ORC4: variants seen among roughly 807,000 people sequenced by gnomAD.
ORC4 encodes the protein origin recognition complex subunit 4.
In ORC4, 55 loss-of-function variants were observed where a neutral mutation model predicts 63.9. The ratio of observed to expected loss-of-function variants is 0.86; its 90% CI spans 0.69 to 1.08. ORC4 has a LOEUF of 1.08. Ranked by LOEUF, ORC4 falls within the 50% of genes least tolerant of loss-of-function variation. The pLI, the probability that ORC4 is intolerant of heterozygous loss-of-function variation, is 0.00. For missense variants in ORC4, 511 were observed against 504.4 expected (o/e 1.01, Z -0.13); for synonymous variants, 150 against 168.5 (o/e 0.89, Z 0.85).
intron 7 of ORC4, among the ~76,000 whole-genome samples, chr2:147,954,260 G>C (rs1689124210): frequency 6.6e-6 from 1 of 152,070 alleles, no homozygotes; most frequent in Non-Finnish European, 1.5e-5. Context: ...ACCACAATAG[G>C]TCAAAGACCC....
chr2:147,942,890 A>G (rs530181221), intron 10 of ORC4, among the ~76,000 whole-genome samples: 216 of 152,244 alleles, frequency 1.4e-3, no homozygotes, highest in African/African-American at 4.9e-3. Context: ...TTCAGCATAG[A>G]CTATAAGTCA....
At chr2:148,016,077 G>T (rs901077642) in intron 1 of ORC4, among the ~76,000 whole-genome samples, 1 of 152,248 alleles carries the variant, frequency 6.6e-6, no homozygotes, top group East Asian at 1.9e-4. Context: ...AAATTGAAAA[G>T]GTGAAAAAGC....
Position 147,943,535 on chromosome 2 carries a change from A to AC in ORC4, c.763-14_763-13insG, listed in dbSNP as rs1158330855. ...CTTCTGAGAGATACTAAAAGGAAAA[A>AC]AAAAAAAAAAGCCAAAATTGAGGAA... On this transcript the variant is annotated splice_polypyrimidine_tract_variant and intron_variant, in intron 9 of 13. Coordinates refer to ENST00000392857, the MANE Select transcript of ORC4 (RefSeq NM_181741.4). The AC allele has an allele frequency of 6.6e-7, 1 of 1,506,032 alleles. No homozygotes were observed. Among genetic ancestry groups the AC allele is most frequent in the Non-Finnish European group, 9.2e-7 (1 of 1,087,830 alleles). 93.3% of individuals were successfully genotyped at this position (1,506,032 alleles called of 1,614,324 possible).
At chr2:147,994,444 C>T (rs922626711) in intron 1 of ORC4, among the ~76,000 whole-genome samples, 3 of 152,136 alleles carry the variant, frequency 2.0e-5, no homozygotes, top group Non-Finnish European at 4.4e-5. Flanking sequence ...AACTTCAAGA[C>T]ATTATAAAAC....
At chr2:147,970,004 T>G (rs1690119709) in intron 4 of ORC4, among the ~76,000 whole-genome samples, 1 of 151,984 alleles carries the variant, frequency 6.6e-6, no homozygotes, top group African/African-American at 2.4e-5. Context: ...GAGAAGCAAT[T>G]ATAGCAAGGT....
chr2:147,987,048 A>T (rs79718107), intron 1 of ORC4, among the ~76,000 whole-genome samples: 10 of 151,388 alleles, frequency 6.6e-5, no homozygotes, highest in Non-Finnish European at 1.2e-4. Context: ...TTTTTTTTTT[A>T]GACCCAGGGT....
intron 1 of ORC4, among the ~76,000 whole-genome samples, chr2:147,980,368 C>CATGG (rs1306163851): frequency 4.6e-5 from 7 of 151,854 alleles, no homozygotes; most frequent in African/African-American, 1.7e-4. Context: ...AGGTTATACG[C>CATGG]TAATACCATG....
chr2:147,936,975 G>T, intron 13 of ORC4: 1 of 132,508 alleles, frequency 7.5e-6, no homozygotes, highest in Non-Finnish European at 1.5e-5. Flanking sequence ...CCAAGATTGC[G>T]CCCGCCACTG....
intron 1 of ORC4, among the ~76,000 whole-genome samples, chr2:147,998,744 C>T (rs1277669666): frequency 6.6e-6 from 1 of 152,146 alleles, no homozygotes; most frequent in Non-Finnish European, 1.5e-5. Context: ...ACACTATTCT[C>T]AATTCCCCTA....
chr2:148,019,121 C>A (rs1693503848), intron 1 of ORC4, among the ~76,000 whole-genome samples: 1 of 151,634 alleles, frequency 6.6e-6, no homozygotes, highest in Non-Finnish European at 1.5e-5. Flanking sequence ...GGTTACACTA[C>A]AAAGAAAATT....
chr2:148,016,177 C>T (rs933718465), intron 1 of ORC4, among the ~76,000 whole-genome samples: 1 of 152,164 alleles, frequency 6.6e-6, no homozygotes, highest in Admixed American at 6.5e-5. Context: ...CAACAACGAA[C>T]CATTTCTCAA....
chr2:147,979,961 T>C (rs1255513813), intron 1 of ORC4, among the ~76,000 whole-genome samples: 4 of 151,846 alleles, frequency 2.6e-5, no homozygotes, highest in African/African-American at 4.8e-5. Flanking sequence ...ACCTGAAACA[T>C]AGGGGAAGAA....
intron 5 of ORC4, 120 bp from the exon 6 acceptor site, chr2:147,958,503 TCTTAAAA>T (rs1164711606): frequency 7.0e-6 from 5 of 712,906 alleles, no homozygotes; most frequent in Non-Finnish European, 1.2e-5. Flanking sequence ...ATCACTTTCT[TCTTAAAA>T]CTTAGCAATA....
Position 147,959,911 on chromosome 2 carries a change from G to A in ORC4, c.226-1045C>T, listed in dbSNP as rs139153991. Among the ~76,000 whole-genome samples the A allele has an allele frequency of 1.7e-3, 253 of 152,236 alleles. 2 individuals are homozygous for A. Among genetic ancestry groups the A allele is most frequent in the African/African-American group, 5.8e-3 (241 of 41,556 alleles). Reference sequence around the variant, plus strand: ...GCATAGAGGTACTTCTTCACCTCTGGATCAGGTCAGACACTATAATAAGAG... The same window carrying A: ...GCATAGAGGTACTTCTTCACCTCTGAATCAGGTCAGACACTATAATAAGAG... On this transcript the variant is annotated intron_variant, in intron 4 of 13. Transcript: ENST00000392857.
intron 8 of ORC4, 69 bp from the exon 9 acceptor site, chr2:147,948,293 TG>T (rs1337404768): frequency 5.0e-6 from 5 of 1,004,734 alleles, no homozygotes; most frequent in Middle Eastern, 3.1e-4. Flanking sequence ...ACTGTACCAA[TG>T]TTAGAGGTAT....
chr2:147,958,238 C>T (rs1689373377), intron 6 of ORC4, 60 bp downstream of exon 6: 1 of 1,028,444 alleles, frequency 9.7e-7, no homozygotes. Flanking sequence ...TAAAAATATA[C>T]ATGGTATAAA....
chr2:147,973,130 T>C (rs1690319050), intron 3 of ORC4, among the ~76,000 whole-genome samples: 2 of 152,174 alleles, frequency 1.3e-5, no homozygotes. Context: ...TCAAATCTCT[T>C]TTCCTACTAA....
chr2:148,002,267 T>C (rs1162468435), intron 1 of ORC4, among the ~76,000 whole-genome samples: 2 of 152,140 alleles, frequency 1.3e-5, no homozygotes, highest in African/African-American at 4.8e-5. Context: ...GTGGACCTAA[T>C]AGACATCTAC....
chr2:147,992,507 A>C (rs1293120939), intron 1 of ORC4, among the ~76,000 whole-genome samples: 1 of 152,194 alleles, frequency 6.6e-6, no homozygotes, highest in East Asian at 1.9e-4. Flanking sequence ...GTGAGAAGGC[A>C]CATGTAGACA....
Sources: allele counts gnomAD v4.1 joint callset (sites outside exome capture counted in the v4.1 genomes callset), GRCh38; gene constraint gnomAD v4.1.1; transcripts MANE v1.5; gene names NCBI Gene and HGNC (gene_info 2026-07-23, HGNC 2026-07-21).